CD99L2: variants seen among roughly 807,000 people sequenced by gnomAD.
CD99L2 encodes CD99 antigen-like protein 2.
In CD99L2, 24 loss-of-function variants were observed where a neutral mutation model predicts 27.3. The observed-to-expected ratio is 0.88, with a 90% CI of 0.64 to 1.24. The LOEUF is 1.24. Among genes scored for constraint, CD99L2 ranks in the 50% most tolerant of loss-of-function variants. CD99L2 has a pLI of 0.00. For synonymous variants in CD99L2, 97 were observed against 87.9 expected (o/e 1.10, Z -0.58); for missense variants, 255 against 221.6 (o/e 1.15, Z -0.96).
intron 2 of CD99L2, 125 bp from the exon 3 acceptor site, chrX:150,816,203 A>G (rs782526294): frequency 1.7e-6 from 1 of 584,793 alleles, no homozygotes; most frequent in African/African-American, 2.3e-5. Flanking sequence ...AGGCCCCTCT[A>G]GCTAGGAGCT....
intron 7 of CD99L2, among the ~76,000 whole-genome samples, chrX:150,782,442 G>GTAATA (rs2124063152): frequency 9.0e-6 from 1 of 111,168 alleles, no homozygotes; most frequent in East Asian, 2.8e-4. Flanking sequence ...CTCCCTCTAG[G>GTAATA]TAATATAATG....
chrX:150,873,737 G>A lies in CD99L2; in HGVS notation c.67+24785C>T, dbSNP rs782730408. Among the ~76,000 whole-genome samples, 11 of 111,348 alleles carry A rather than the reference G, an allele frequency of 9.9e-5. No individual in the cohort carries two copies. In the South Asian group the frequency reaches 4.2e-3, roughly 43 times the overall value. ...CATAACAGGAAGGGAGAAGAGGAAT[G>A]AGAAGGAGCCAAGCACCCAGAGCAT... On this transcript the variant is annotated intron_variant, in intron 1 of 10. Coordinates refer to ENST00000370377, the MANE Select transcript of CD99L2 (RefSeq NM_031462.4).
At chrX:150,804,919 C>T (rs1292663760) in intron 4 of CD99L2, among the ~76,000 whole-genome samples, 1 of 112,118 alleles carries the variant, frequency 8.9e-6, no homozygotes, top group East Asian at 2.8e-4. Flanking sequence ...GGCGTGGTGG[C>T]TCATGCCTGT....
chrX:150,824,899 T>G (rs1237886519), intron 2 of CD99L2, among the ~76,000 whole-genome samples: 1 of 112,101 alleles, frequency 8.9e-6, no homozygotes. Flanking sequence ...TGATAATGTT[T>G]GCACACTACT....
chrX:150,893,521 C>T (rs1193110295), intron 1 of CD99L2, among the ~76,000 whole-genome samples: 1 of 108,487 alleles, frequency 9.2e-6, no homozygotes, highest in African/African-American at 3.4e-5. Flanking sequence ...TTACGCCCCC[C>T]GAACCAAGTT....
chrX:150,793,877 T>A (rs945272291), intron 6 of CD99L2, 121 bp from the exon 7 acceptor site: 1 of 537,948 alleles, frequency 1.9e-6, no homozygotes, highest in African/African-American at 2.4e-5. Context: ...ATGCCCTTCA[T>A]GAAATTCTAA....
intron 1 of CD99L2, among the ~76,000 whole-genome samples, chrX:150,885,609 A>C (rs1188085391): frequency 2.7e-5 from 3 of 111,997 alleles, no homozygotes; most frequent in African/African-American, 9.7e-5. Context: ...CACATTTCCC[A>C]CGTTTACTAC....
intron 7 of CD99L2, among the ~76,000 whole-genome samples, chrX:150,780,279 G>A (rs1192207693): frequency 8.9e-6 from 1 of 111,852 alleles, no homozygotes; most frequent in Non-Finnish European, 1.9e-5. Context: ...ACAAGGGGAA[G>A]GGAGAGAGGG....
intron 2 of CD99L2, among the ~76,000 whole-genome samples, chrX:150,824,703 A>G (rs2046342769): frequency 1.1e-5 from 1 of 91,894 alleles, no homozygotes. Flanking sequence ...GAGGAAGAGG[A>G]AGAGGAAGAA....
intron 7 of CD99L2, among the ~76,000 whole-genome samples, chrX:150,778,358 G>A (rs782642603): frequency 2.8e-5 from 3 of 108,952 alleles, no homozygotes; most frequent in Non-Finnish European, 5.7e-5. Flanking sequence ...AGGGGAAACC[G>A]CCCTGGGATA....
chrX:150,776,275 C>A lies in CD99L2; in HGVS notation c.554G>T (p.Gly185Val), dbSNP rs1557419257. Reference protein sequence around the residue: ...DPGSGMVAEPGTIAGVASALA... With the variant: ...DPGSGMVAEPVTIAGVASALA... ...GGCGCTGGCCACCCCGGCAATGGTGCCAGGCTCTGCCACCATGCCTGCGTG... is the reference window on the plus strand; with the variant it reads ...GGCGCTGGCCACCCCGGCAATGGTGACAGGCTCTGCCACCATGCCTGCGTG... Residue 185 changes from glycine (G) to valine (V), a missense_variant, in exon 9 of 11, where the codon GGC (glycine) becomes GTC (valine). Gly to Val is a moderately radical substitution (Grantham distance 109, BLOSUM62 -3). Coordinates refer to ENST00000370377, the MANE Select transcript of CD99L2 (RefSeq NM_031462.4). 1 of 1,207,221 alleles carries A rather than the reference C, an allele frequency of 8.3e-7. No individual in the cohort carries two copies. The highest frequency in any genetic ancestry group is 3.0e-5 in the East Asian group (1 of 33,597).
chrX:150,821,856 T>A (rs1186367778), intron 2 of CD99L2, among the ~76,000 whole-genome samples: 1 of 110,923 alleles, frequency 9.0e-6, no homozygotes, highest in African/African-American at 3.3e-5. Context: ...GGCTTTCATT[T>A]AAAAAAAATA....
intron 2 of CD99L2, among the ~76,000 whole-genome samples, chrX:150,822,022 A>C (rs1036029802): frequency 8.9e-6 from 1 of 112,149 alleles, no homozygotes; most frequent in African/African-American, 3.2e-5. Flanking sequence ...TCCTAGGTAT[A>C]TATCGAAAAG....
At chrX:150,874,472 G>C in intron 1 of CD99L2, among the ~76,000 whole-genome samples, 1 of 109,035 alleles carries the variant, frequency 9.2e-6, no homozygotes, top group Admixed American at 9.8e-5. Context: ...GAAGAGTTCA[G>C]AGGGGCTGCA....
intron 4 of CD99L2, among the ~76,000 whole-genome samples, chrX:150,801,115 T>C (rs781847704): frequency 9.1e-6 from 1 of 110,455 alleles, no homozygotes; most frequent in East Asian, 2.8e-4. Flanking sequence ...CTACCAAACA[T>C]TTAAAAAGGA....
intron 2 of CD99L2, 40 bp from the exon 3 acceptor site, chrX:150,816,118 G>C: frequency 8.7e-7 from 1 of 1,143,241 alleles, no homozygotes; most frequent in Non-Finnish European, 1.2e-6. Flanking sequence ...AGCACGTTTA[G>C]TAACAAAACA....
chrX:150,885,078 GC>G (rs1443753020), intron 1 of CD99L2, among the ~76,000 whole-genome samples: 1 of 110,886 alleles, frequency 9.0e-6, no homozygotes, highest in Non-Finnish European at 1.9e-5. Flanking sequence ...ATGATTTATG[GC>G]TGCATACATA....
chrX:150,777,373 G>C, intron 8 of CD99L2, 71 bp downstream of exon 8: 1 of 1,161,609 alleles, frequency 8.6e-7, no homozygotes, highest in Non-Finnish European at 1.2e-6. Context: ...CCTTGGCTTA[G>C]TGATTTTGGG....
intron 7 of CD99L2, among the ~76,000 whole-genome samples, chrX:150,785,586 C>T (rs1426902537): frequency 1.8e-5 from 2 of 111,135 alleles, no homozygotes; most frequent in Non-Finnish European, 3.8e-5. Context: ...ACTATGAAAC[C>T]GAGACCCCTA....
Sources: gnomAD v4.1 joint callset for allele counts (sites outside exome capture counted in the v4.1 genomes callset) on GRCh38, gnomAD v4.1.1 for gene constraint, MANE v1.5 for transcripts, NCBI Gene and HGNC (gene_info 2026-07-23, HGNC 2026-07-21) for gene names.